MSI2: variants seen among roughly 807,000 people sequenced by gnomAD.
MSI2 encodes the protein RNA-binding protein Musashi homolog 2.
Under a neutral mutation model 45.6 loss-of-function variants are expected in MSI2, and 17 were observed. That is an observed-to-expected ratio of 0.37 (90% CI 0.26 to 0.56). The LOEUF (loss-of-function observed/expected upper bound fraction) is 0.56. MSI2 is among the 20% of genes least tolerant of loss of function. The pLI is 0.77. For synonymous variants in MSI2, 156 were observed against 158.2 expected (o/e 0.99, Z 0.11); for missense variants, 293 against 444.2 (o/e 0.66, Z 3.06).
At chr17:57,402,934 A>G (rs1402260676) in intron 6 of MSI2, among the ~76,000 whole-genome samples, 1 of 152,146 alleles carries the variant, frequency 6.6e-6, no homozygotes, top group East Asian at 1.9e-4. Flanking sequence ...GACTGATGTA[A>G]AGCAGTAAGG....
chr17:57,497,692 G>C (rs4794743), intron 6 of MSI2, among the ~76,000 whole-genome samples: 138,532 of 152,234 alleles, frequency 0.91, 63,139 homozygotes, highest in African/African-American at 0.96. Flanking sequence ...ATTCCTGGGC[G>C]CCACCCCAAG....
At chr17:57,378,728 T>G (rs2083546025) in intron 5 of MSI2, among the ~76,000 whole-genome samples, 1 of 152,204 alleles carries the variant, frequency 6.6e-6, no homozygotes, top group Non-Finnish European at 1.5e-5. Context: ...ATTTCTTAGT[T>G]TGCCCAAGTT....
chr17:57,327,901 G>A (rs1913938518), intron 5 of MSI2, among the ~76,000 whole-genome samples: 1 of 152,140 alleles, frequency 6.6e-6, no homozygotes, highest in South Asian at 2.1e-4. Context: ...CGTAAATCTG[G>A]TCTGAGTTTG....
chr17:57,448,980 A>C lies in MSI2; in HGVS notation c.405+47509A>C, dbSNP rs2084948304. ...GCGTGATGCCTGGCAGGTATGTAGTAAATGTTCAAATGTTTAATATTCTTT... is the reference window on the plus strand; with the variant it reads ...GCGTGATGCCTGGCAGGTATGTAGTCAATGTTCAAATGTTTAATATTCTTT... On this transcript the variant is annotated intron_variant, in intron 6 of 13. Coordinates refer to ENST00000284073, the MANE Select transcript of MSI2 (RefSeq NM_138962.4). 2.0e-5 allele frequency: 3 copies of C among 152,244 alleles called. No homozygotes were observed. The South Asian group carries it at 6.2e-4, about 31-fold the overall frequency. The allele number at this position is 152,244 out of a possible 1,614,324, so 9.4% of individuals were successfully genotyped here. A position where few individuals can be genotyped will look rare whatever the true frequency, so the allele number is the denominator to read the frequency against.
At chr17:57,460,166 A>C (rs1326664533) in intron 6 of MSI2, among the ~76,000 whole-genome samples, 1 of 140,640 alleles carries the variant, frequency 7.1e-6, no homozygotes, top group Non-Finnish European at 1.6e-5. Flanking sequence ...TAAATAAATA[A>C]ATAAATAATC....
chr17:57,329,845 G>A (rs1914101292), intron 5 of MSI2, among the ~76,000 whole-genome samples: 1 of 152,108 alleles, frequency 6.6e-6, no homozygotes, highest in South Asian at 2.1e-4. Flanking sequence ...CTGTCCGCCT[G>A]TTAATATTAA....
intron 11 of MSI2, among the ~76,000 whole-genome samples, chr17:57,666,833 A>G (rs1355146979): frequency 2.3e-5 from 3 of 133,320 alleles, no homozygotes; most frequent in Admixed American, 7.9e-5. Flanking sequence ...TGTGGGGAAA[A>G]GCCAAACTGA....
At chr17:57,686,851 CAAAAAT>C (rs1913894114), downstream of MSI2, among the ~76,000 whole-genome samples, 2 of 152,084 alleles carry the variant, frequency 1.3e-5, no homozygotes, top group East Asian at 1.9e-4. Flanking sequence ...ATTTAATAGA[CAAAAAT>C]AAAGACATAG....
chr17:57,682,541 A>G lies in MSI2; in HGVS notation c.*3024A>G, dbSNP rs1014929195. 9 of 210,856 alleles carry G rather than the reference A, an allele frequency of 4.3e-5. No homozygotes were observed. Among genetic ancestry groups the G allele is most frequent in the Non-Finnish European group, 6.7e-5 (7 of 104,018 alleles). 13.1% of individuals were successfully genotyped at this position (210,856 alleles called of 1,614,324 possible). ...TATATACCTTTTGAAGAGACCCAGTAGCCCATAGCACAAATCTTGTGGAAA... is the reference window on the plus strand; with the variant it reads ...TATATACCTTTTGAAGAGACCCAGTGGCCCATAGCACAAATCTTGTGGAAA... On this transcript the variant is annotated 3_prime_UTR_variant, in exon 14 of 14. Coordinates refer to ENST00000284073, the MANE Select transcript of MSI2 (RefSeq NM_138962.4).
chr17:57,458,804 G>A (rs1056993202), intron 6 of MSI2, among the ~76,000 whole-genome samples: 1 of 152,240 alleles, frequency 6.6e-6, no homozygotes, highest in African/African-American at 2.4e-5. Flanking sequence ...TGGGACACAG[G>A]CTTGGTTCAC....
chr17:57,303,427 G>A (rs556391191), intron 5 of MSI2, among the ~76,000 whole-genome samples: 118 of 152,294 alleles, frequency 7.7e-4, no homozygotes, highest in African/African-American at 2.7e-3. Flanking sequence ...GTTTAGAAAC[G>A]CAGTGTGAAG....
intron 6 of MSI2, among the ~76,000 whole-genome samples, chr17:57,511,182 A>AG (rs2086346355): frequency 6.6e-6 from 1 of 152,232 alleles, no homozygotes; most frequent in African/African-American, 2.4e-5. Flanking sequence ...GCAGGGTCCC[A>AG]GGTGCAGCCT....
At position 57,596,499 on chromosome 17, in the gene MSI2, A is replaced by G. The variant is rs1177087467; in HGVS notation, c.455-369A>G. 1.3e-5 allele frequency among the ~76,000 whole-genome samples: 2 copies of G among 152,240 alleles called. No homozygotes were observed. The highest frequency in any genetic ancestry group is 4.8e-5 in the African/African-American group (2 of 41,462). On this transcript the variant is annotated intron_variant, in intron 7 of 13. Transcript: ENST00000284073. This position sits in a 1 kb window ranked among gnomAD's most constrained non-coding sequence, Gnocchi z 4.6. ...GCCAGGGCTGCTCGCGGAAAGGGCA[A>G]GCGTGGCCCCGCAGTGATCCACGAG...
intron 6 of MSI2, among the ~76,000 whole-genome samples, chr17:57,502,636 T>TAGAGAGAGAG (rs1439981218): frequency 2.6e-4 from 25 of 96,928 alleles, no homozygotes; most frequent in Non-Finnish European, 4.3e-4. Flanking sequence ...TATATATATA[T>TAGAGAGAGAG]AGTCATCATT....
intron 5 of MSI2, among the ~76,000 whole-genome samples, chr17:57,350,649 TC>T (rs1301082431): frequency 6.6e-6 from 1 of 152,110 alleles, no homozygotes; most frequent in East Asian, 1.9e-4. Flanking sequence ...GCGCAGGGGA[TC>T]CCTGGCCCGG....
intron 5 of MSI2, chr17:57,286,053 TC>T (rs1240270294): frequency 2.3e-6 from 3 of 1,325,196 alleles, no homozygotes; most frequent in Non-Finnish European, 3.0e-6. Flanking sequence ...CTAGCCAGCC[TC>T]TTTCTGTCTT....
intron 9 of MSI2, chr17:57,618,180 G>A (rs1480548597): frequency 6.6e-6 from 1 of 151,896 alleles, no homozygotes; most frequent in African/African-American, 2.4e-5. Flanking sequence ...CTTGAGCCCA[G>A]GAACTCTGGG....
intron 6 of MSI2, among the ~76,000 whole-genome samples, chr17:57,494,836 TA>T (rs1243797311): frequency 6.6e-6 from 1 of 151,968 alleles, no homozygotes; most frequent in African/African-American, 2.4e-5. Flanking sequence ...ACACCAGGGA[TA>T]AATCAGTGAA....
intron 6 of MSI2, among the ~76,000 whole-genome samples, chr17:57,476,337 C>A (rs1412034896): frequency 6.6e-6 from 1 of 152,194 alleles, no homozygotes; most frequent in Non-Finnish European, 1.5e-5. Context: ...TTCCCCTGAG[C>A]CTGGATGGAG....
Sources: allele counts gnomAD v4.1 joint callset (sites outside exome capture counted in the v4.1 genomes callset), GRCh38; gene constraint gnomAD v4.1.1; non-coding constraint Gnocchi (gnomAD v3.1); transcripts MANE v1.5; gene names NCBI Gene and HGNC (gene_info 2026-07-23, HGNC 2026-07-21).